The following NDFIP1 variants were observed in gnomAD, a reference collection of about 807,000 sequenced individuals.
NDFIP1 encodes the protein Nedd4 family interacting protein 1.
In NDFIP1, 7 loss-of-function variants were observed where a neutral mutation model predicts 28.8. The ratio of observed to expected loss-of-function variants is 0.24; its 90% CI spans 0.14 to 0.46. The LOEUF is 0.46. Ranked by LOEUF, NDFIP1 falls within the 20% of genes least tolerant of loss-of-function variation. The probability of loss-of-function intolerance (pLI) is 0.99; values close to 1 mark genes in which losing one functional copy is unlikely to be tolerated. For missense variants in NDFIP1, 194 were observed against 269.1 expected (o/e 0.72, Z 1.95); for synonymous variants, 92 against 101.0 (o/e 0.91, Z 0.53).
At chr5:142,126,858 A>G (rs974196711) in intron 1 of NDFIP1, among the ~76,000 whole-genome samples, 2 of 152,166 alleles carry the variant, frequency 1.3e-5, no homozygotes, top group Non-Finnish European at 2.9e-5. Flanking sequence ...TAATGTCTTA[A>G]ACGTGTTAAA....
chr5:142,112,250 T>C (rs1244546161), intron 1 of NDFIP1, among the ~76,000 whole-genome samples: 1 of 151,164 alleles, frequency 6.6e-6, no homozygotes, highest in Non-Finnish European at 1.5e-5. Flanking sequence ...CTGGGCGTGG[T>C]GGCGTGCACC....
chr5:142,133,835 A>G lies in NDFIP1; in HGVS notation c.282+1493A>G, dbSNP rs138201066. Among the ~76,000 whole-genome samples, 93 of 152,340 alleles carry G rather than the reference A, an allele frequency of 6.1e-4. 1 individual carries two copies. The highest frequency in any genetic ancestry group is 2.0e-3 in the African/African-American group (82 of 41,574). The stretch of plus-strand genomic sequence containing the variant: ...CAAAAGCCTAAAATCCAACTAGGGT[A>G]AAGGGCCCACAAATACTGATAACTA... On this transcript the variant is annotated intron_variant, in intron 3 of 7. Transcript: ENST00000253814.
chr5:142,127,323 A>G (rs556287542), intron 1 of NDFIP1, among the ~76,000 whole-genome samples: 1 of 152,150 alleles, frequency 6.6e-6, no homozygotes, highest in African/African-American at 2.4e-5. Flanking sequence ...CCTTAGTAGC[A>G]CCTATTTGTA....
Position 142,153,088 on chromosome 5 carries a change from A to G in NDFIP1, c.*1360A>G. ...ACATAATTTTAGATAATTTATTTCCAGTGTTTTCTGCATGTTCTCATTTGT... is the reference window on the plus strand; with the variant it reads ...ACATAATTTTAGATAATTTATTTCCGGTGTTTTCTGCATGTTCTCATTTGT... On this transcript the variant is annotated 3_prime_UTR_variant, in exon 8 of 8. Coordinates refer to ENST00000253814, the MANE Select transcript of NDFIP1 (RefSeq NM_030571.4). The G allele has an allele frequency of 3.0e-6, 1 of 337,286 alleles. No homozygotes were observed. Among genetic ancestry groups the G allele is most frequent in the East Asian group, 7.6e-5 (1 of 13,176 alleles). The allele number at this position is 337,286 out of a possible 1,614,324, so 20.9% of individuals were successfully genotyped here. A position where few individuals can be genotyped will look rare whatever the true frequency, so the allele number is the denominator to read the frequency against.
At chr5:142,132,618 G>A in intron 3 of NDFIP1, among the ~76,000 whole-genome samples, 1 of 152,154 alleles carries the variant, frequency 6.6e-6, no homozygotes, top group East Asian at 1.9e-4. Context: ...TGAAGCAGAA[G>A]CACACTAATG....
intron 7 of NDFIP1, among the ~76,000 whole-genome samples, chr5:142,148,298 T>TC (rs1196253075): frequency 6.6e-6 from 1 of 152,162 alleles, no homozygotes; most frequent in Non-Finnish European, 1.5e-5. Flanking sequence ...ACATTAAAGC[T>TC]CATGTACTAC....
rs372736562 is a variant in NDFIP1, at chr5:142,132,263, A to G, written c.203A>G (p.Asn68Ser). Residue 68 changes from asparagine to serine, a missense_variant, in exon 3 of 8, where the codon AAT becomes AGT. Physicochemically the swap from Asn to Ser is conservative, Grantham distance 46. Coordinates refer to ENST00000253814, the MANE Select transcript of NDFIP1 (RefSeq NM_030571.4). ...GGGTTTCCAAAGCCCCCATCTTACA[A>G]TGTAGCTACAACACTGCCCAGTTAT... ...ESGFPKPPSY[N>S]VATTLPSYDE... is the part of the protein sequence containing the mutation. The G allele has an allele frequency of 5.6e-5, 90 of 1,614,032 alleles. No homozygotes were observed. Among genetic ancestry groups the G allele is most frequent in the Non-Finnish European group, 7.4e-5 (87 of 1,180,020 alleles).
chr5:142,136,755 C>CGAAA (rs1757279681), intron 4 of NDFIP1, among the ~76,000 whole-genome samples: 1 of 76,452 alleles, frequency 1.3e-5, no homozygotes, highest in African/African-American at 5.5e-5. Context: ...GACTTCGTCT[C>CGAAA]AAAAAAAAAA....
At chr5:142,127,130 C>CT in intron 1 of NDFIP1, among the ~76,000 whole-genome samples, 1 of 152,092 alleles carries the variant, frequency 6.6e-6, no homozygotes, top group East Asian at 1.9e-4. Flanking sequence ...ATTCTCGTGC[C>CT]TAAGCCTCCC....
chr5:142,124,481 C>T (rs1322515798), intron 1 of NDFIP1, among the ~76,000 whole-genome samples: 1 of 152,130 alleles, frequency 6.6e-6, no homozygotes, highest in Non-Finnish European at 1.5e-5. Flanking sequence ...ATAATTTTCT[C>T]TTTCAAAACC....
At chr5:142,124,761 C>A (rs1757153512) in intron 1 of NDFIP1, among the ~76,000 whole-genome samples, 1 of 151,942 alleles carries the variant, frequency 6.6e-6, no homozygotes, top group Admixed American at 6.6e-5. Flanking sequence ...TGAGGATAGT[C>A]TAACTCTGGT....
intron 1 of NDFIP1, among the ~76,000 whole-genome samples, chr5:142,129,911 C>CA (rs749420090): frequency 0.11 from 7,073 of 62,398 alleles, 267 homozygotes; most frequent in Middle Eastern, 0.14. Flanking sequence ...AACTACATCT[C>CA]AAAAAAAAAA....
intron 5 of NDFIP1, 59 bp from the exon 6 acceptor site, chr5:142,140,504 G>T: frequency 3.0e-6 from 4 of 1,325,542 alleles, no homozygotes; most frequent in Non-Finnish European, 3.2e-6. Flanking sequence ...GTACCCTTAA[G>T]TTAAAATGAG....
At chr5:142,138,882 CT>C (rs11384112) in intron 5 of NDFIP1, among the ~76,000 whole-genome samples, 4 of 147,246 alleles carry the variant, frequency 2.7e-5, no homozygotes, top group African/African-American at 7.4e-5. Flanking sequence ...TAATTCCAGT[CT>C]TTTTTTTTTT....
intron 7 of NDFIP1, among the ~76,000 whole-genome samples, chr5:142,145,103 T>TC (rs1165490029): frequency 6.6e-6 from 1 of 152,192 alleles, no homozygotes; most frequent in Non-Finnish European, 1.5e-5. Context: ...GTGTAGTACT[T>TC]TAAGAACTCC....
chr5:142,125,997 A>T (rs1225754073), intron 1 of NDFIP1, among the ~76,000 whole-genome samples: 2 of 152,204 alleles, frequency 1.3e-5, no homozygotes, highest in Non-Finnish European at 2.9e-5. Context: ...AGAATTATTT[A>T]AAATATCTTC....
intron 5 of NDFIP1, among the ~76,000 whole-genome samples, chr5:142,139,985 C>T (rs557948698): frequency 6.6e-4 from 100 of 152,234 alleles, no homozygotes; most frequent in Non-Finnish European, 1.4e-3. Context: ...TTTTTGTATA[C>T]TTTCAAAATA....
intron 3 of NDFIP1, among the ~76,000 whole-genome samples, chr5:142,133,588 T>G (rs1482351545): frequency 6.6e-6 from 1 of 152,244 alleles, no homozygotes; most frequent in Non-Finnish European, 1.5e-5. Flanking sequence ...TCTGCAGATC[T>G]GTTGCAATAT....
intron 5 of NDFIP1, among the ~76,000 whole-genome samples, chr5:142,138,785 T>C (rs1486126535): frequency 6.6e-6 from 1 of 152,060 alleles, no homozygotes; most frequent in Non-Finnish European, 1.5e-5. Flanking sequence ...ATTGTTACTT[T>C]ATTAACAAAG....
Sources: allele counts gnomAD v4.1 joint callset (sites outside exome capture counted in the v4.1 genomes callset), GRCh38; gene constraint gnomAD v4.1.1; transcripts MANE v1.5; gene names NCBI Gene and HGNC (gene_info 2026-07-23, HGNC 2026-07-21).